Variants in PXDN observed in about 807,000 individuals in gnomAD.
The protein encoded by PXDN is peroxidasin homolog.
Under a neutral mutation model 140.3 loss-of-function variants are expected in PXDN, and 77 were observed. The ratio of observed to expected loss-of-function variants is 0.55; its 90% CI spans 0.46 to 0.66. The LOEUF (loss-of-function observed/expected upper bound fraction) is 0.66. PXDN is among the 30% of genes least tolerant of loss of function. PXDN has a pLI of 0.00. For synonymous variants in PXDN, 911 were observed against 857.4 expected (o/e 1.06, Z -1.09); for missense variants, 1,838 against 2,039.5 (o/e 0.90, Z 1.90).
At chr2:1,708,297 G>A (rs1479881726) in intron 1 of PXDN, among the ~76,000 whole-genome samples, 1 of 152,210 alleles carries the variant, frequency 6.6e-6, no homozygotes, top group Non-Finnish European at 1.5e-5. Context: ...CGCTTTAGCC[G>A]ACAAAGCTCC....
At position 1,660,804 on chromosome 2, in the gene PXDN, G is replaced by T. The variant is rs747883462; in HGVS notation, c.1837+77C>A. ...AATTCTGAACAGCCTAAGTCAACTG[G>T]CCTGGGACCACACTAGGGACCTGCG... is the stretch of plus-strand genomic sequence containing the variant. On this transcript the variant is annotated intron_variant, in intron 14 of 22. Coordinates refer to ENST00000252804, the MANE Select transcript of PXDN (RefSeq NM_012293.3). The surrounding 1 kb of genome is among the most constrained non-coding windows in gnomAD (Gnocchi z 4.6). 9.4e-5 allele frequency: 142 copies of T among 1,512,536 alleles called. No homozygotes were observed. The highest frequency in any genetic ancestry group is 1.2e-4 in the Non-Finnish European group (139 of 1,121,836). The allele number at this position is 1,512,536 out of a possible 1,614,324, so 93.7% of individuals were successfully genotyped here. A position where few individuals can be genotyped will look rare whatever the true frequency, so the allele number is the denominator to read the frequency against.
rs376428722 is a variant in PXDN at position 1,660,912 on chromosome 2, C to G, written c.1806G>C (p.Ser602=). 1 of 1,613,476 alleles carries G rather than the reference C, an allele frequency of 6.2e-7. No individual in the cohort carries two copies. The stretch of plus-strand genomic sequence containing the variant: ...CACTGAGCACCATGCTCACCGAGGC[C>G]GACCCAATGGTGTTCCGGGCCACAC... ...YECVARNTIG[S]ASVSMVLSVN... Residue 602 remains serine, a synonymous_variant, in exon 14 of 23, where the codon TCG becomes TCC. Transcript: ENST00000252804. The surrounding 1 kb of genome is among the most constrained non-coding windows in gnomAD (Gnocchi z 4.6).
Position 1,685,516 on chromosome 2 carries a change from G to C in PXDN, c.417-1365C>G, listed in dbSNP as rs530047584. 6.6e-6 allele frequency among the ~76,000 whole-genome samples: 1 copy of C among 152,106 alleles called. No individual in the cohort carries two copies. The highest frequency in any genetic ancestry group is 2.1e-4 in the South Asian group (1 of 4,818). On this transcript the variant is annotated intron_variant, in intron 4 of 22. Transcript: ENST00000252804. The surrounding 1 kb of genome is among the most constrained non-coding windows in gnomAD (Gnocchi z 5.1). ...CGATGTAAGACCCAGGCACCACCAC[G>C]GCACAGTGGCTGTGAGCTGCTCAGC...
At position 1,714,155 on chromosome 2, in the gene PXDN, A is replaced by G. The variant is rs549347302; in HGVS notation, c.201-21021T>C. Among the ~76,000 whole-genome samples, 1 of 152,348 alleles carries G rather than the reference A, an allele frequency of 6.6e-6. No individual in the cohort carries two copies. The highest frequency in any genetic ancestry group is 2.1e-4 in the South Asian group (1 of 4,826). ...CACAACACCCATCCACATCCAGGAT[A>G]CTGTTTTTTTCAACTACCTCATTTA... On this transcript the variant is annotated intron_variant, in intron 1 of 22. Coordinates refer to ENST00000252804, the MANE Select transcript of PXDN (RefSeq NM_012293.3). This position sits in a 1 kb window ranked among gnomAD's most constrained non-coding sequence, Gnocchi z 4.3.
chr2:1,670,645 A>G (rs1276629652), intron 9 of PXDN, among the ~76,000 whole-genome samples: 1 of 152,238 alleles, frequency 6.6e-6, no homozygotes, highest in Non-Finnish European at 1.5e-5. Context: ...TCACAGAAGT[A>G]CGAACACCAA....
At chr2:1,740,490 TG>T (rs1334242816) in intron 1 of PXDN, among the ~76,000 whole-genome samples, 3 of 151,812 alleles carry the variant, frequency 2.0e-5, no homozygotes, top group African/African-American at 7.3e-5. Context: ...CCAGAGGGCC[TG>T]GGGGGCCTGC....
chr2:1,683,642 G>A lies in PXDN; in HGVS notation c.560+14C>T, dbSNP rs745440213. Reference sequence around the variant, plus strand: ...GCTTTGCAGCAAAGAAAACACAAAAGGTTTTATACTCACAATCTCTTCATA... The same window carrying A: ...GCTTTGCAGCAAAGAAAACACAAAAAGTTTTATACTCACAATCTCTTCATA... On this transcript the variant is annotated intron_variant, in intron 6 of 22. Transcript: ENST00000252804. The A allele has an allele frequency of 4.7e-6, 7 of 1,496,644 alleles. No individual in the cohort carries two copies. In the Admixed American group the frequency reaches 1.2e-4, roughly 26 times the overall value. The allele number at this position is 1,496,644 out of a possible 1,614,324, so 92.7% of individuals were successfully genotyped here.
At chr2:1,725,143 G>C (rs1685147207) in intron 1 of PXDN, among the ~76,000 whole-genome samples, 2 of 152,044 alleles carry the variant, frequency 1.3e-5, no homozygotes, top group South Asian at 4.2e-4. Flanking sequence ...TTGTTTTCTT[G>C]ATTCCCTTTT....
intron 1 of PXDN, among the ~76,000 whole-genome samples, chr2:1,722,174 A>C (rs1357105433): frequency 1.3e-5 from 2 of 152,332 alleles, no homozygotes; most frequent in Non-Finnish European, 2.9e-5. Context: ...GCGGACACAA[A>C]ATAGAACATG....
chr2:1,653,884 A>G (rs1216838202), intron 15 of PXDN, 99 bp from the exon 16 acceptor site: 1 of 1,335,202 alleles, frequency 7.5e-7, no homozygotes, highest in Non-Finnish European at 1.0e-6. Flanking sequence ...TAATATTTCT[A>G]CGGCTACTTT....
At chr2:1,674,773 A>G (rs561068278) in intron 8 of PXDN, among the ~76,000 whole-genome samples, 1 of 150,668 alleles carries the variant, frequency 6.6e-6, no homozygotes, top group East Asian at 1.9e-4. Context: ...ACGGGCCTAC[A>G]GAGAACTCCT....
chr2:1,729,631 G>A (rs1020737662), intron 1 of PXDN, among the ~76,000 whole-genome samples: 1 of 152,084 alleles, frequency 6.6e-6, no homozygotes, highest in Non-Finnish European at 1.5e-5. Context: ...GGTGATGGGT[G>A]CACCCAAATC....
intron 14 of PXDN, among the ~76,000 whole-genome samples, chr2:1,657,013 A>T (rs747050694): frequency 6.9e-6 from 1 of 145,946 alleles, no homozygotes; most frequent in Non-Finnish European, 1.5e-5. Flanking sequence ...CCCTCTCCTG[A>T]CTAAAACCTA....
chr2:1,715,563 G>A (rs771060733), intron 1 of PXDN, among the ~76,000 whole-genome samples: 2 of 152,168 alleles, frequency 1.3e-5, no homozygotes, highest in African/African-American at 4.8e-5. Flanking sequence ...CCACGGTGCC[G>A]GGCGGGTGTC....
At chr2:1,657,791 T>C (rs1407397555) in intron 14 of PXDN, among the ~76,000 whole-genome samples, 6 of 119,628 alleles carry the variant, frequency 5.0e-5, no homozygotes, top group African/African-American at 2.2e-4. Context: ...ACCTGCCCCC[T>C]GTTGTCTGGA....
chr2:1,677,180 C>T, intron 7 of PXDN, 136 bp from the exon 8 acceptor site: 1 of 777,224 alleles, frequency 1.3e-6, no homozygotes, highest in South Asian at 1.9e-5. Flanking sequence ...CAAACATCCC[C>T]CACAAAAGTG....
chr2:1,649,399 A>T lies in PXDN; in HGVS notation c.2381T>A (p.Met794Lys), dbSNP rs1682955936. The T allele has an allele frequency of 6.2e-7, 1 of 1,613,898 alleles. No homozygotes were observed. Among genetic ancestry groups the T allele is most frequent in the Admixed American group, 1.7e-5 (1 of 60,020 alleles). ...HRLYNGHALP[M>K]PRLVSTTLIG... ...CAGGGTGGTGGACACCAGGCGCGGC[A>T]TGGGAAGGGCGTGCCCGTTGTACAG... Residue 794 changes from methionine to lysine, a missense_variant, in exon 17 of 23, where the codon ATG becomes AAG. Met to Lys is a moderately conservative substitution (Grantham distance 95, BLOSUM62 -1). Coordinates refer to ENST00000252804, the MANE Select transcript of PXDN (RefSeq NM_012293.3). This position sits in a 1 kb window ranked among gnomAD's most constrained non-coding sequence, Gnocchi z 7.1.
intron 6 of PXDN, among the ~76,000 whole-genome samples, chr2:1,682,939 CAAAAA>C (rs34275022): frequency 6.6e-6 from 1 of 150,794 alleles, no homozygotes; most frequent in Non-Finnish European, 1.5e-5. Flanking sequence ...AACTCTGTCT[CAAAAA>C]AAAGGGTAAA....
At chr2:1,726,563 AAAACTT>A (rs1410557582) in intron 1 of PXDN, among the ~76,000 whole-genome samples, 1 of 152,150 alleles carries the variant, frequency 6.6e-6, no homozygotes, top group Non-Finnish European at 1.5e-5. Context: ...CATGTACCCT[AAAACTT>A]AAAGTATAAT....
Sources: allele counts gnomAD v4.1 joint callset (sites outside exome capture counted in the v4.1 genomes callset), GRCh38; gene constraint gnomAD v4.1.1; non-coding constraint Gnocchi (gnomAD v3.1); transcripts MANE v1.5; gene names NCBI Gene and HGNC (gene_info 2026-07-23, HGNC 2026-07-21).